DSCAM: variants seen among roughly 807,000 people sequenced by gnomAD.
The protein encoded by DSCAM is cell adhesion molecule DSCAM.
Under a neutral mutation model 217.7 loss-of-function variants are expected in DSCAM, and 47 were observed. That is an observed-to-expected ratio of 0.22 (90% CI 0.17 to 0.28). The LOEUF is 0.28. Among genes scored for constraint, DSCAM ranks in the 10% least tolerant of loss-of-function variants. DSCAM has a pLI of 1.00. For synonymous variants in DSCAM, 1,056 were observed against 1,015.3 expected (o/e 1.04, Z -0.76); for missense variants, 2,080 against 2,618.3 (o/e 0.79, Z 4.49).
intron 3 of DSCAM, among the ~76,000 whole-genome samples, chr21:40,507,845 C>T (rs1268118092): frequency 6.6e-6 from 1 of 152,070 alleles, no homozygotes; most frequent in African/African-American, 2.4e-5. Flanking sequence ...GTTGGAGCTG[C>T]CCTCTGGACA....
chr21:40,810,056 C>G (rs2091824692), intron 1 of DSCAM, among the ~76,000 whole-genome samples: 1 of 152,254 alleles, frequency 6.6e-6, no homozygotes, highest in Non-Finnish European at 1.5e-5. Flanking sequence ...AGGCCAGAGG[C>G]AGCAGGCCCC....
chr21:40,154,576 A>G (rs951960420), intron 16 of DSCAM, among the ~76,000 whole-genome samples: 2 of 152,132 alleles, frequency 1.3e-5, no homozygotes, highest in Admixed American at 6.5e-5. Context: ...TTTTGTTCAT[A>G]TATCTCTCCT....
chr21:40,802,966 C>A (rs926126138), intron 1 of DSCAM, among the ~76,000 whole-genome samples: 3 of 152,180 alleles, frequency 2.0e-5, no homozygotes, highest in African/African-American at 7.2e-5. Context: ...ACTAGACAGA[C>A]AAGGTACCAC....
intron 3 of DSCAM, among the ~76,000 whole-genome samples, chr21:40,439,519 T>G (rs2075612429): frequency 1.3e-5 from 2 of 152,194 alleles, no homozygotes; most frequent in African/African-American, 4.8e-5. Flanking sequence ...AAGCATGTAT[T>G]CGGAACCTCA....
At chr21:40,517,486 C>T (rs996932952) in intron 3 of DSCAM, among the ~76,000 whole-genome samples, 5 of 151,446 alleles carry the variant, frequency 3.3e-5, no homozygotes, top group African/African-American at 1.2e-4. Flanking sequence ...TGCAGCCTAC[C>T]ATATAACATT....
intron 11 of DSCAM, among the ~76,000 whole-genome samples, chr21:40,195,757 G>A (rs930924515): frequency 3.3e-5 from 5 of 152,136 alleles, no homozygotes; most frequent in Admixed American, 6.5e-5. Context: ...CAGGGTTCCC[G>A]GGTGGGAGGT....
At position 40,296,037 on chromosome 21, in the gene DSCAM, G is replaced by T. The variant is rs1280819069; in HGVS notation, c.2182+18C>A. On this transcript the variant is annotated intron_variant, in intron 10 of 32. Transcript: ENST00000400454. ...GCAAATGTTTGACAGGTAACAAGTA[G>T]ATCAAGTAACTCCATACCTTTAGAG... The T allele has an allele frequency of 6.2e-7, 1 of 1,609,296 alleles. No homozygotes were observed. Among genetic ancestry groups the T allele is most frequent in the Non-Finnish European group, 8.5e-7 (1 of 1,178,440 alleles).
rs2092149839 is a variant in DSCAM, at chr21:40,846,784, C to T, written c.-123G>A. 1 of 261,332 alleles carries T rather than the reference C, an allele frequency of 3.8e-6. No homozygotes were observed. The highest frequency in any genetic ancestry group is 5.9e-6 in the Non-Finnish European group (1 of 170,818). The allele number at this position is 261,332 out of a possible 1,614,324, so 16.2% of individuals were successfully genotyped here. A position where few individuals can be genotyped will look rare whatever the true frequency, so the allele number is the denominator to read the frequency against. On this transcript the variant is annotated 5_prime_UTR_variant, in exon 1 of 33. Transcript: ENST00000400454. ...GGGCCGCCGCCCGCCCGCCGCCCGC[C>T]GCCGCCGCCGCCGCTGCCTAGCCGC... is the stretch of plus-strand genomic sequence containing the variant.
chr21:40,723,146 T>C (rs925857981), intron 1 of DSCAM, among the ~76,000 whole-genome samples: 1 of 151,930 alleles, frequency 6.6e-6, no homozygotes, highest in Non-Finnish European at 1.5e-5. Flanking sequence ...GTGTTTTTTG[T>C]TGAGATGTAG....
intron 3 of DSCAM, among the ~76,000 whole-genome samples, chr21:40,516,918 CAT>C (rs1034923938): frequency 5.4e-5 from 8 of 148,204 alleles, no homozygotes; most frequent in South Asian, 2.1e-4. Context: ...CACACACACA[CAT>C]ATACCTTATA....
chr21:40,463,235 T>C (rs1001089132), intron 3 of DSCAM, among the ~76,000 whole-genome samples: 5 of 152,058 alleles, frequency 3.3e-5, no homozygotes, highest in Non-Finnish European at 5.9e-5. Flanking sequence ...AGGAGTTATC[T>C]GGGAATTTCT....
chr21:40,523,973 G>T (rs73214122), intron 3 of DSCAM, among the ~76,000 whole-genome samples: 19,017 of 152,156 alleles, frequency 0.12, 1,447 homozygotes, highest in South Asian at 0.28. Context: ...CTGAGAGGGG[G>T]ACAAAGGGAC....
At chr21:40,612,295 G>A (rs1319897331) in intron 3 of DSCAM, among the ~76,000 whole-genome samples, 1 of 152,142 alleles carries the variant, frequency 6.6e-6, no homozygotes, top group African/African-American at 2.4e-5. Context: ...TGGTGGATGT[G>A]AGGTCCTGAG....
At chr21:40,728,648 G>A (rs147208439) in intron 1 of DSCAM, among the ~76,000 whole-genome samples, 1,932 of 152,190 alleles carry the variant, frequency 0.013, 30 homozygotes, top group Admixed American at 0.022. Flanking sequence ...TCGAACTCCT[G>A]ACCTCAGGTG....
At chr21:40,134,271 A>C (rs191479958) in intron 18 of DSCAM, among the ~76,000 whole-genome samples, 1 of 152,170 alleles carries the variant, frequency 6.6e-6, no homozygotes, top group African/African-American at 2.4e-5. Flanking sequence ...AATTCGCTCC[A>C]AGTTAAGTGT....
rs1362507323 is a variant in DSCAM at position 40,692,975 on chromosome 21, A to T, written c.362-19T>A. ...CGTAAAACTGGAAGGCAGAAAGAGG[A>T]CGTCAGTAAGGCACACGGTCAACAG... On this transcript the variant is annotated intron_variant, in intron 2 of 32. Coordinates refer to ENST00000400454, the MANE Select transcript of DSCAM (RefSeq NM_001389.5). 1 of 1,595,948 alleles carries T rather than the reference A, an allele frequency of 6.3e-7. No individual in the cohort carries two copies. The highest frequency in any genetic ancestry group is 8.6e-7 in the Non-Finnish European group (1 of 1,164,952).
chr21:40,194,709 C>A (rs1349221988), intron 11 of DSCAM, among the ~76,000 whole-genome samples: 1 of 152,162 alleles, frequency 6.6e-6, no homozygotes, highest in Non-Finnish European at 1.5e-5. Context: ...GGGAGCATCC[C>A]TCTGACCTAC....
chr21:40,011,712 GGGAAA>G lies in DSCAM; in HGVS notation c.*1317_*1321del, dbSNP rs2088058467. The stretch of plus-strand genomic sequence containing the variant: ...ATGAGCCACATGGGAGATAAAGTGA[GGGAAA>G]GGAAAGTAAAAACTTAGATTTTAGA... On this transcript the variant is annotated 3_prime_UTR_variant, in exon 33 of 33. Coordinates refer to ENST00000400454, the MANE Select transcript of DSCAM (RefSeq NM_001389.5). 6.6e-6 allele frequency: 1 copy of G among 152,154 alleles called. No homozygotes were observed. Among genetic ancestry groups the G allele is most frequent in the African/African-American group, 2.4e-5 (1 of 41,424 alleles). The allele number at this position is 152,154 out of a possible 1,614,324, so 9.4% of individuals were successfully genotyped here.
intron 3 of DSCAM, among the ~76,000 whole-genome samples, chr21:40,396,708 T>C (rs879649063): frequency 4.6e-5 from 7 of 150,928 alleles, no homozygotes; most frequent in Non-Finnish European, 1.0e-4. Flanking sequence ...CTACCACCAC[T>C]CCTACCACAA....
Sources: gnomAD v4.1 joint callset for allele counts (sites outside exome capture counted in the v4.1 genomes callset) on GRCh38, gnomAD v4.1.1 for gene constraint, MANE v1.5 for transcripts, NCBI Gene and HGNC (gene_info 2026-07-23, HGNC 2026-07-21) for gene names.